Variants in CCDC171 observed in about 807,000 individuals in gnomAD.
The protein encoded by CCDC171 is coiled-coil domain containing 171, also known as coiled-coil domain-containing protein 171.
CCDC171 carries 177 observed loss-of-function variants against 168.2 expected under a neutral mutation model. That is an observed-to-expected ratio of 1.05 (90% confidence interval 0.93 to 1.19). CCDC171 has a LOEUF of 1.19. Ranked by LOEUF, CCDC171 falls within the 50% of genes most tolerant of loss-of-function variation. The pLI is 0.00. For missense variants in CCDC171, 1,991 were observed against 1,539.0 expected, an observed-to-expected ratio of 1.29 and a Z score of -4.91; for synonymous variants, 687 against 540.8, an observed-to-expected ratio of 1.27 and a Z score of -3.75.
intron 4 of CCDC171, among the ~76,000 whole-genome samples, chr9:15,589,926 A>G (rs1416609610): frequency 6.6e-6 from 1 of 152,202 alleles, no homozygotes; most frequent in Non-Finnish European, 1.5e-5. Flanking sequence ...TCATCAATGA[A>G]AATAACTCAA....
In CCDC171 at chr9:15,953,637, C is replaced by G. The variant is rs562462771; in HGVS notation, c.3754-17972C>G. On this transcript the variant is annotated intron_variant, in intron 25 of 25. Coordinates refer to ENST00000380701, the MANE Select transcript of CCDC171 (RefSeq NM_173550.4). The stretch of plus-strand genomic sequence containing the variant: ...ACTGGGGATATTGACCTATAGTTTT[C>G]TTTTCTTGTGATACATTTGTCTGGC... Among the ~76,000 whole-genome samples, 169 of 152,182 alleles carry G rather than the reference C, an allele frequency of 1.1e-3. 1 individual carries two copies. Among genetic ancestry groups the G allele is most frequent in the African/African-American group, 4.0e-3 (166 of 41,552 alleles).
chr9:15,571,614 C>A lies in CCDC171; in HGVS notation c.42-10C>A. ...AAGCATATACATTTTACTGTAATCT[C>A]ATTTTAAAGGTTGAAGATTGCCTCA... On this transcript the variant is annotated splice_polypyrimidine_tract_variant and intron_variant, in intron 2 of 25. Coordinates refer to ENST00000380701, the MANE Select transcript of CCDC171 (RefSeq NM_173550.4). 7 of 1,532,044 alleles carry A rather than the reference C, an allele frequency of 4.6e-6. No homozygotes were observed. The highest frequency in any genetic ancestry group is 2.5e-5 in the South Asian group (2 of 79,244). 94.9% of individuals were successfully genotyped at this position (1,532,044 alleles called of 1,614,324 possible). A position where few individuals can be genotyped will look rare whatever the true frequency, so the allele number is the denominator to read the frequency against.
rs573281221 is a variant in CCDC171 at position 15,912,999 on chromosome 9, C to T, written c.3601-7271C>T. Reference sequence around the variant, plus strand: ...ATCAGGGATATTGGCTTGAAATTTTCTTTTTTTGTTGTGTCTCTGCCAGGT... The same window carrying T: ...ATCAGGGATATTGGCTTGAAATTTTTTTTTTTTGTTGTGTCTCTGCCAGGT... On this transcript the variant is annotated intron_variant, in intron 24 of 25. Transcript: ENST00000380701. Among the ~76,000 whole-genome samples the T allele has an allele frequency of 6.5e-3, 984 of 152,180 alleles. 16 individuals are homozygous for T. Among genetic ancestry groups the T allele is most frequent in the African/African-American group, 0.022 (929 of 41,516 alleles).
chr9:15,621,748 C>G (rs991740205), intron 6 of CCDC171, among the ~76,000 whole-genome samples: 13 of 152,130 alleles, frequency 8.5e-5, no homozygotes, highest in Non-Finnish European at 1.5e-4. Flanking sequence ...AAAAACAGAA[C>G]TACCTTTTGA....
chr9:15,857,971 A>G lies in CCDC171; in HGVS notation c.3468+9024A>G, dbSNP rs145490152. ...TGTATATATGCATATGTGTGTATATATGTAGATGTGTATATATATGTATAT... is the reference window on the plus strand; with the variant it reads ...TGTATATATGCATATGTGTGTATATGTGTAGATGTGTATATATATGTATAT... On this transcript the variant is annotated intron_variant, in intron 23 of 25. Transcript: ENST00000380701. Among the ~76,000 whole-genome samples the G allele has an allele frequency of 2.8e-3, 429 of 151,918 alleles. 5 individuals are homozygous for G. The highest frequency in any genetic ancestry group is 1.1e-3 in the Non-Finnish European group (72 of 67,980).
chr9:15,810,754 C>G (rs563340221), intron 21 of CCDC171, among the ~76,000 whole-genome samples: 2 of 152,204 alleles, frequency 1.3e-5, no homozygotes, highest in African/African-American at 4.8e-5. Context: ...GTGAGTGCTG[C>G]GCGCAGCCCT....
chr9:15,888,830 GC>G (rs1819788576), intron 24 of CCDC171, among the ~76,000 whole-genome samples: 1 of 151,752 alleles, frequency 6.6e-6, no homozygotes, highest in Admixed American at 6.6e-5. Flanking sequence ...AACCTGACCT[GC>G]CCTAATTTTG....
intron 23 of CCDC171, among the ~76,000 whole-genome samples, chr9:15,853,008 T>G (rs946911032): frequency 1.3e-5 from 2 of 151,634 alleles, no homozygotes; most frequent in African/African-American, 2.4e-5. Context: ...AGTTTTGAAA[T>G]TGAGAAATGT....
At chr9:15,671,777 G>A (rs1294944837) in intron 9 of CCDC171, among the ~76,000 whole-genome samples, 1 of 152,080 alleles carries the variant, frequency 6.6e-6, no homozygotes, top group Non-Finnish European at 1.5e-5. Flanking sequence ...ATTTGAGTTG[G>A]TTCCAAGTCT....
intron 20 of CCDC171, among the ~76,000 whole-genome samples, chr9:15,782,830 C>T (rs766404044): frequency 1.3e-4 from 20 of 152,036 alleles, no homozygotes; most frequent in Admixed American, 5.9e-4. Context: ...TGTTAAACAG[C>T]GAGTAAAAAG....
intron 6 of CCDC171, among the ~76,000 whole-genome samples, chr9:15,597,123 T>A (rs1255716434): frequency 6.6e-6 from 1 of 152,060 alleles, no homozygotes; most frequent in Non-Finnish European, 1.5e-5. Flanking sequence ...TTTTCCTAAT[T>A]GAATACCCTT....
chr9:16,104,544 G>T, the CCDC171 span, among the ~76,000 whole-genome samples: 2 of 152,040 alleles, frequency 1.3e-5, no homozygotes, highest in Non-Finnish European at 2.9e-5. Flanking sequence ...AGCTACACTG[G>T]ACCCACAGAG....
At chr9:15,942,844 C>T (rs1827882283) in intron 25 of CCDC171, among the ~76,000 whole-genome samples, 3 of 151,828 alleles carry the variant, frequency 2.0e-5, no homozygotes, top group African/African-American at 7.2e-5. Flanking sequence ...AAATTTTAAA[C>T]TATGACCAAA....
the CCDC171 span, among the ~76,000 whole-genome samples, chr9:16,087,722 A>G: frequency 6.6e-6 from 1 of 151,908 alleles, no homozygotes; most frequent in African/African-American, 2.4e-5. Flanking sequence ...GTGTCTTCTA[A>G]TTGGGGCATT....
chr9:15,747,960 G>A (rs1317208432), intron 18 of CCDC171, among the ~76,000 whole-genome samples: 3 of 152,106 alleles, frequency 2.0e-5, no homozygotes, highest in Non-Finnish European at 4.4e-5. Flanking sequence ...CCGAGCTAAA[G>A]GAGCATGTTC....
intron 16 of CCDC171, among the ~76,000 whole-genome samples, chr9:15,734,404 G>A (rs1025446190): frequency 2.2e-4 from 33 of 152,096 alleles, no homozygotes; most frequent in African/African-American, 5.6e-4. Context: ...CAGGCGTGGT[G>A]GCGCATGCCT....
intron 6 of CCDC171, among the ~76,000 whole-genome samples, chr9:16,026,782 G>C (rs892352706): frequency 6.6e-6 from 1 of 152,116 alleles, no homozygotes. Flanking sequence ...GGTTTCACTG[G>C]ATAAAAAGCA....
chr9:15,691,120 A>G (rs1245305307), intron 10 of CCDC171, among the ~76,000 whole-genome samples: 1 of 152,164 alleles, frequency 6.6e-6, no homozygotes, highest in Non-Finnish European at 1.5e-5. Context: ...GTACATGCAA[A>G]ATATAAAAAG....
intron 9 of CCDC171, among the ~76,000 whole-genome samples, chr9:15,668,499 T>G (rs1438358645): frequency 2.6e-5 from 4 of 152,144 alleles, no homozygotes; most frequent in Non-Finnish European, 5.9e-5. Context: ...TCCTAATGCT[T>G]TAACATAATG....
Sources: allele counts gnomAD v4.1 joint callset (sites outside exome capture counted in the v4.1 genomes callset), GRCh38; gene constraint gnomAD v4.1.1; transcripts MANE v1.5; gene names NCBI Gene and HGNC (gene_info 2026-07-23, HGNC 2026-07-21).